The following MRTFB variants were observed in gnomAD, a reference collection of about 807,000 sequenced individuals.
The protein encoded by MRTFB is myocardin related transcription factor B, also known as myocardin-related transcription factor B.
A neutral mutation model predicts 104.2 loss-of-function variants in MRTFB; 29 were observed. The observed-to-expected ratio is 0.28, with a 90% CI of 0.21 to 0.38. The LOEUF (loss-of-function observed/expected upper bound fraction) is 0.38. Among genes scored for constraint, MRTFB ranks in the 10% least tolerant of loss-of-function variants. The pLI is 1.00. For missense variants in MRTFB, 1,270 were observed against 1,341.6 expected, an observed-to-expected ratio of 0.95 and a Z score of 0.83; for synonymous variants, 535 against 519.5, an observed-to-expected ratio of 1.03 and a Z score of -0.41.
At chr16:14,083,696 C>G (rs1015560561) in intron 2 of MRTFB, among the ~76,000 whole-genome samples, 25 of 152,144 alleles carry the variant, frequency 1.6e-4, no homozygotes, top group African/African-American at 4.3e-4. Flanking sequence ...TTCAGCGTGT[C>G]TTTTAAAATT....
the MRTFB span, among the ~76,000 whole-genome samples, chr16:14,055,380 G>T: frequency 1.3e-5 from 2 of 152,090 alleles, no homozygotes; most frequent in Admixed American, 1.3e-4. Context: ...AGTAGTTAAC[G>T]TGGGTACAAT....
rs1286315060 is a variant in MRTFB at position 14,116,864 on chromosome 16, C to T, written c.-63-23680C>T. 2.6e-5 allele frequency among the ~76,000 whole-genome samples: 4 copies of T among 152,078 alleles called. No individual in the cohort carries two copies. In the South Asian group the frequency reaches 8.3e-4, roughly 32 times the overall value. ...GATCTACCAGTCTAGAAGGAAGACT[C>T]TTTGAGGAAGGGGCTATGCTTAAGG... On this transcript the variant is annotated intron_variant, in intron 2 of 16. Coordinates refer to ENST00000571589, the MANE Select transcript of MRTFB (RefSeq NM_001308142.2).
At chr16:14,079,788 C>T (rs868541022) in intron 2 of MRTFB, among the ~76,000 whole-genome samples, 22 of 150,326 alleles carry the variant, frequency 1.5e-4, no homozygotes. Context: ...AATTTCTATC[C>T]GTATAAAACA....
intron 15 of MRTFB, among the ~76,000 whole-genome samples, chr16:14,252,820 G>A (rs117624863): frequency 3.9e-5 from 6 of 152,194 alleles, no homozygotes; most frequent in Non-Finnish European, 5.9e-5. Context: ...ATTTTATACA[G>A]GTCCCTTCTT....
chr16:14,112,765 C>A (rs1466795575), intron 2 of MRTFB, among the ~76,000 whole-genome samples: 2 of 152,196 alleles, frequency 1.3e-5, no homozygotes, highest in Admixed American at 6.5e-5. Flanking sequence ...CTATTGCCAT[C>A]CAACACTGTT....
intron 8 of MRTFB, among the ~76,000 whole-genome samples, chr16:14,224,040 C>T (rs1194727712): frequency 6.6e-6 from 1 of 152,096 alleles, no homozygotes; most frequent in South Asian, 2.1e-4. Flanking sequence ...CTTACAGTCA[C>T]AGTAGAAGGG....
chr16:14,043,277 C>T, the MRTFB span, among the ~76,000 whole-genome samples: 1 of 152,054 alleles, frequency 6.6e-6, no homozygotes, highest in South Asian at 2.1e-4. Context: ...TTTTGTTTTC[C>T]CCATTCTTTC....
At position 14,261,474 on chromosome 16, in the gene MRTFB, G is replaced by A; in HGVS notation, c.*30G>A. On this transcript the variant is annotated 3_prime_UTR_variant, in exon 17 of 17. Coordinates refer to ENST00000571589, the MANE Select transcript of MRTFB (RefSeq NM_001308142.2). ...ACAGATTTCTTTTCTGAGAGTTGAT[G>A]AGGTTTAAGAACATGAAGATTCTAA... The A allele has an allele frequency of 6.5e-7, 1 of 1,544,552 alleles. No individual in the cohort carries two copies. Among genetic ancestry groups the A allele is most frequent in the Non-Finnish European group, 8.7e-7 (1 of 1,144,332 alleles).
At chr16:14,095,556 T>C (rs997358581) in intron 2 of MRTFB, among the ~76,000 whole-genome samples, 9 of 152,348 alleles carry the variant, frequency 5.9e-5, no homozygotes, top group Admixed American at 4.6e-4. Flanking sequence ...TAATTGGCAG[T>C]GCAGGTGTCA....
At chr16:14,012,167 T>C in the MRTFB span, among the ~76,000 whole-genome samples, 1 of 150,944 alleles carries the variant, frequency 6.6e-6, no homozygotes, top group African/African-American at 2.4e-5. Context: ...GAACGTACTG[T>C]TTACTCAACG....
chr16:14,165,647 C>G (rs1426148903), intron 3 of MRTFB, among the ~76,000 whole-genome samples: 1 of 152,144 alleles, frequency 6.6e-6, no homozygotes, highest in Non-Finnish European at 1.5e-5. Context: ...TCACTGTCCT[C>G]CCCTTTCCCC....
At chr16:14,043,836 C>T in the MRTFB span, among the ~76,000 whole-genome samples, 15 of 152,162 alleles carry the variant, frequency 9.9e-5, no homozygotes, top group Non-Finnish European at 1.3e-4. Flanking sequence ...GCTAGGCACA[C>T]GGGGAGAGGA....
intron 2 of MRTFB, among the ~76,000 whole-genome samples, chr16:14,092,133 T>C (rs2035113482): frequency 6.6e-6 from 1 of 152,136 alleles, no homozygotes; most frequent in African/African-American, 2.4e-5. Flanking sequence ...TAGATCAGCT[T>C]AGTACCACAC....
intron 10 of MRTFB, chr16:14,241,026 ATTAATTT>A: frequency 2.0e-6 from 1 of 502,406 alleles, no homozygotes; most frequent in East Asian, 3.2e-5. Flanking sequence ...AAAGAATCTG[ATTAATTT>A]TTAAGTAAAA....
the MRTFB span, among the ~76,000 whole-genome samples, chr16:14,056,943 C>G: frequency 6.6e-6 from 1 of 152,176 alleles, no homozygotes; most frequent in African/African-American, 2.4e-5. Context: ...AAGACTGATG[C>G]TTAAATCCTG....
chr16:14,061,711 C>T, the MRTFB span, among the ~76,000 whole-genome samples: 2 of 151,814 alleles, frequency 1.3e-5, no homozygotes, highest in African/African-American at 4.8e-5. Flanking sequence ...AATGGAACCA[C>T]TTTACACCCA....
intron 3 of MRTFB, among the ~76,000 whole-genome samples, chr16:14,180,980 G>A (rs1171171298): frequency 6.6e-6 from 1 of 152,140 alleles, no homozygotes; most frequent in Non-Finnish European, 1.5e-5. Context: ...AGAAAGGTCA[G>A]AAAAATGTAT....
intron 2 of MRTFB, among the ~76,000 whole-genome samples, chr16:14,134,170 C>G (rs1436642923): frequency 6.6e-6 from 1 of 152,186 alleles, no homozygotes; most frequent in East Asian, 1.9e-4. Context: ...AATAAACCCT[C>G]ACACTGGCAT....
chr16:14,106,089 C>T (rs1235817790), intron 2 of MRTFB, among the ~76,000 whole-genome samples: 1 of 152,194 alleles, frequency 6.6e-6, no homozygotes, highest in Non-Finnish European at 1.5e-5. Flanking sequence ...ATTTACTGTA[C>T]ACTTGTGTGT....
Sources: gnomAD v4.1 joint callset for allele counts (sites outside exome capture counted in the v4.1 genomes callset) on GRCh38, gnomAD v4.1.1 for gene constraint, MANE v1.5 for transcripts, NCBI Gene and HGNC (gene_info 2026-07-23, HGNC 2026-07-21) for gene names.